KCNMA1: variants seen among roughly 807,000 people sequenced by gnomAD.
KCNMA1 encodes the protein potassium calcium-activated channel subfamily M alpha 1, also known as Calcium-activated potassium channel subunit alpha-1.
KCNMA1 carries 29 observed loss-of-function variants against 140.0 expected under a neutral mutation model. The observed-to-expected ratio is 0.21, with a 90% CI of 0.15 to 0.28. The LOEUF (loss-of-function observed/expected upper bound fraction) is 0.28, where lower values mean the gene tolerates loss of function less well. KCNMA1 is among the 10% of genes least tolerant of loss of function. KCNMA1 has a pLI of 1.00. For missense variants in KCNMA1, 880 were observed against 1,602.2 expected (o/e 0.55, Z 7.70); for synonymous variants, 612 against 611.9 (o/e 1.00, Z 0.00).
At chr10:76,890,923 G>A (rs2039743705) in intron 26 of KCNMA1, among the ~76,000 whole-genome samples, 1 of 152,194 alleles carries the variant, frequency 6.6e-6, no homozygotes, top group Non-Finnish European at 1.5e-5. Context: ...CATAAGATTC[G>A]GTTTGTTTGG....
At chr10:76,949,838 A>G (rs567998672) in intron 21 of KCNMA1, among the ~76,000 whole-genome samples, 46 of 152,312 alleles carry the variant, frequency 3.0e-4, no homozygotes, top group African/African-American at 1.1e-3. Context: ...GAGAAATTTG[A>G]CTTTAGAATT....
chr10:77,291,595 C>T (rs1314405886), intron 2 of KCNMA1, among the ~76,000 whole-genome samples: 4 of 152,102 alleles, frequency 2.6e-5, no homozygotes, highest in Non-Finnish European at 4.4e-5. Flanking sequence ...AATGGGTGGC[C>T]AACCACCTCT....
chr10:77,473,465 T>C (rs760592327), intron 1 of KCNMA1, among the ~76,000 whole-genome samples: 2 of 152,214 alleles, frequency 1.3e-5, no homozygotes, highest in Non-Finnish European at 2.9e-5. Flanking sequence ...GTCAGATGTA[T>C]TCTGTCCATC....
intron 25 of KCNMA1, among the ~76,000 whole-genome samples, chr10:76,897,453 G>A (rs1304208714): frequency 6.6e-6 from 1 of 151,900 alleles, no homozygotes; most frequent in African/African-American, 2.4e-5. Flanking sequence ...AATGTAAGAG[G>A]AATGTCAAAG....
At chr10:77,575,427 T>A (rs1248751176) in intron 1 of KCNMA1, among the ~76,000 whole-genome samples, 3 of 152,102 alleles carry the variant, frequency 2.0e-5, no homozygotes, top group Non-Finnish European at 2.9e-5. Flanking sequence ...CAATTCCACC[T>A]GAGGCCATGG....
Position 76,974,465 on chromosome 10 carries a change from A to C in KCNMA1, c.2267-4398T>G, listed in dbSNP as rs574698401. ...TGCAGGGTAGTTATTAAAAATGGGAATGGGTCCCAGTCTTCCTTCACCTGG... is the reference window on the plus strand; with the variant it reads ...TGCAGGGTAGTTATTAAAAATGGGACTGGGTCCCAGTCTTCCTTCACCTGG... On this transcript the variant is annotated intron_variant, in intron 19 of 27. Coordinates refer to ENST00000286628, the MANE Select transcript of KCNMA1 (RefSeq NM_001161352.2). 1.1e-4 allele frequency: 159 copies of C among 1,411,358 alleles called. No homozygotes were observed. The African/African-American group carries it at 1.9e-3, about 16-fold the overall frequency. The allele number at this position is 1,411,358 out of a possible 1,614,324, so 87.4% of individuals were successfully genotyped here.
At chr10:76,930,667 C>T (rs2059036777) in intron 23 of KCNMA1, among the ~76,000 whole-genome samples, 1 of 152,178 alleles carries the variant, frequency 6.6e-6, no homozygotes, top group Non-Finnish European at 1.5e-5. Flanking sequence ...GAGACATCTG[C>T]ACCTCCATGT....
chr10:77,456,580 T>C (rs1378618749), intron 1 of KCNMA1, among the ~76,000 whole-genome samples: 3 of 152,172 alleles, frequency 2.0e-5, no homozygotes, highest in Non-Finnish European at 4.4e-5. Flanking sequence ...ATATGGCAGG[T>C]GCAAGGCAAA....
intron 2 of KCNMA1, among the ~76,000 whole-genome samples, chr10:77,399,946 C>T (rs771787912): frequency 6.6e-6 from 1 of 152,132 alleles, no homozygotes; most frequent in South Asian, 2.1e-4. Flanking sequence ...GTCCCAGCTT[C>T]GAGATTCACA....
At chr10:76,933,960 T>C (rs549017372) in intron 23 of KCNMA1, among the ~76,000 whole-genome samples, 3 of 152,254 alleles carry the variant, frequency 2.0e-5, no homozygotes, top group African/African-American at 7.2e-5. Context: ...TTTCTTTTTC[T>C]TTTTGCTTGT....
chr10:76,880,924 T>C (rs1242674047), downstream of KCNMA1, among the ~76,000 whole-genome samples: 1 of 152,122 alleles, frequency 6.6e-6, no homozygotes, highest in Non-Finnish European at 1.5e-5. Flanking sequence ...CAGAGAAAAA[T>C]AGCCTTATTT....
intron 1 of KCNMA1, among the ~76,000 whole-genome samples, chr10:77,540,649 G>A (rs145565673): frequency 6.6e-6 from 1 of 152,294 alleles, no homozygotes; most frequent in Non-Finnish European, 1.5e-5. Flanking sequence ...TAAAAATACT[G>A]TTATCACTTT....
At chr10:76,884,805 G>T (rs75681812), downstream of KCNMA1, 1,848 of 879,054 alleles carry the variant, frequency 2.1e-3, 21 homozygotes, top group African/African-American at 0.03. Context: ...GGGAGGGGGG[G>T]AAAAGCAAAA....
chr10:77,263,418 A>G (rs1175146645), intron 2 of KCNMA1, among the ~76,000 whole-genome samples: 2 of 152,178 alleles, frequency 1.3e-5, no homozygotes, highest in Non-Finnish European at 2.9e-5. Flanking sequence ...CCTTCATCCT[A>G]TAACCACTTT....
chr10:77,369,067 A>G (rs749627851), intron 2 of KCNMA1, among the ~76,000 whole-genome samples: 2 of 152,232 alleles, frequency 1.3e-5, no homozygotes, highest in African/African-American at 2.4e-5. Context: ...TGGTTTGTTT[A>G]TATCTGCAAA....
At chr10:77,073,337 C>CAG in intron 13 of KCNMA1, 85 bp from the exon 14 acceptor site, 1 of 1,411,826 alleles carries the variant, frequency 7.1e-7, no homozygotes, top group Non-Finnish European at 9.9e-7. Flanking sequence ...CAGCATTGCC[C>CAG]AACCACTCAG....
At chr10:76,894,916 T>C (rs1217204833) in intron 25 of KCNMA1, among the ~76,000 whole-genome samples, 2 of 152,162 alleles carry the variant, frequency 1.3e-5, no homozygotes, top group Non-Finnish European at 2.9e-5. Flanking sequence ...ACCCCTCACA[T>C]TGTGTTATGC....
intron 1 of KCNMA1, among the ~76,000 whole-genome samples, chr10:77,441,104 T>C (rs975373968): frequency 6.6e-6 from 1 of 152,068 alleles, no homozygotes; most frequent in African/African-American, 2.4e-5. Flanking sequence ...ATTACAGGCG[T>C]GAGCCACCGC....
intron 2 of KCNMA1, among the ~76,000 whole-genome samples, chr10:77,390,321 AG>A (rs1363948759): frequency 6.6e-6 from 1 of 152,214 alleles, no homozygotes; most frequent in Non-Finnish European, 1.5e-5. Flanking sequence ...TCCCATATCC[AG>A]AATTGATCTC....
Sources: allele counts gnomAD v4.1 joint callset (sites outside exome capture counted in the v4.1 genomes callset), GRCh38; gene constraint gnomAD v4.1.1; transcripts MANE v1.5; gene names NCBI Gene and HGNC (gene_info 2026-07-23, HGNC 2026-07-21).